The following SLCO6A1 variants were observed in gnomAD, a reference collection of about 807,000 sequenced individuals.
SLCO6A1 encodes cancer/testis antigen 48.
Under a neutral mutation model 72.7 loss-of-function variants are expected in SLCO6A1, and 65 were observed. That is an observed-to-expected ratio of 0.89 (90% CI 0.73 to 1.10). The LOEUF (loss-of-function observed/expected upper bound fraction) is 1.10, where lower values mean the gene tolerates loss of function less well. Among genes scored for constraint, SLCO6A1 ranks in the 50% least tolerant of loss-of-function variants. The pLI is 0.00. For synonymous variants in SLCO6A1, 314 were observed against 298.2 expected, an observed-to-expected ratio of 1.05 and a Z score of -0.55; for missense variants, 874 against 872.6, an observed-to-expected ratio of 1.00 and a Z score of -0.02.
At position 102,431,793 on chromosome 5, in the gene SLCO6A1, T is replaced by C. The variant is rs181367791; in HGVS notation, c.1276+6824A>G. ...TTCAGGTCCTGAACATCTTTGTTAA[T>C]TTTCTGCCTTGACAACCTTTCTAAC... On this transcript the variant is annotated intron_variant, in intron 7 of 13. Coordinates refer to ENST00000506729, the MANE Select transcript of SLCO6A1 (RefSeq NM_173488.5). 1.5e-3 allele frequency among the ~76,000 whole-genome samples: 223 copies of C among 152,302 alleles called. 1 individual carries two copies. The highest frequency in any genetic ancestry group is 5.1e-3 in the African/African-American group (213 of 41,578).
intron 4 of SLCO6A1, among the ~76,000 whole-genome samples, chr5:102,465,117 G>C (rs1751245030): frequency 6.6e-6 from 1 of 152,068 alleles, no homozygotes; most frequent in Admixed American, 6.6e-5. Context: ...CTAAAACACT[G>C]TTGTAGAAGA....
intron 7 of SLCO6A1, among the ~76,000 whole-genome samples, chr5:102,431,884 T>C (rs1273214242): frequency 6.6e-6 from 1 of 152,208 alleles, no homozygotes; most frequent in Non-Finnish European, 1.5e-5. Context: ...TTTGAAGGTC[T>C]CTAAGAATTT....
intron 7 of SLCO6A1, among the ~76,000 whole-genome samples, chr5:102,438,128 T>A (rs1387259687): frequency 6.6e-6 from 1 of 152,046 alleles, no homozygotes; most frequent in Admixed American, 6.6e-5. Flanking sequence ...ATCCATTAAT[T>A]GGATAATACA....
chr5:102,477,900 C>G, intron 2 of SLCO6A1, 39 bp from the exon 3 acceptor site: 3 of 1,530,888 alleles, frequency 2.0e-6, no homozygotes, highest in Non-Finnish European at 1.8e-6. Context: ...GTTAATTGAA[C>G]TCAAACATAA....
At chr5:102,378,143 A>T (rs1561410523) in intron 12 of SLCO6A1, among the ~76,000 whole-genome samples, 1 of 151,970 alleles carries the variant, frequency 6.6e-6, no homozygotes, top group African/African-American at 2.4e-5. Flanking sequence ...GTGATTTGCA[A>T]AGTAATTTTC....
chr5:102,421,503 T>C (rs1228929508), intron 7 of SLCO6A1, among the ~76,000 whole-genome samples: 1 of 152,076 alleles, frequency 6.6e-6, no homozygotes, highest in Non-Finnish European at 1.5e-5. Context: ...ACAAAGCCGA[T>C]GGGAAGTTTG....
At chr5:102,400,642 A>C (rs1346685550) in intron 9 of SLCO6A1, among the ~76,000 whole-genome samples, 1 of 152,108 alleles carries the variant, frequency 6.6e-6, no homozygotes, top group Non-Finnish European at 1.5e-5. Flanking sequence ...AAAAATAAGA[A>C]GAAAAGAACA....
intron 9 of SLCO6A1, among the ~76,000 whole-genome samples, chr5:102,400,528 T>C (rs1275514572): frequency 6.6e-6 from 1 of 152,066 alleles, no homozygotes; most frequent in East Asian, 1.9e-4. Flanking sequence ...GTGGATAATT[T>C]AAGGCAGATG....
At chr5:102,377,931 T>C (rs1745896728) in intron 12 of SLCO6A1, among the ~76,000 whole-genome samples, 1 of 151,432 alleles carries the variant, frequency 6.6e-6, no homozygotes, top group African/African-American at 2.4e-5. Flanking sequence ...AACAAAATAG[T>C]TTGGCAATTT....
chr5:102,434,631 C>T (rs918490259), intron 7 of SLCO6A1, among the ~76,000 whole-genome samples: 1 of 152,140 alleles, frequency 6.6e-6, no homozygotes, highest in Non-Finnish European at 1.5e-5. Context: ...GATCTGAGCA[C>T]TCTTGGCAAC....
At chr5:102,395,762 G>A (rs1747038155) in intron 10 of SLCO6A1, among the ~76,000 whole-genome samples, 2 of 152,044 alleles carry the variant, frequency 1.3e-5, no homozygotes, top group Admixed American at 1.3e-4. Flanking sequence ...ATCTCACTGT[G>A]GTTTTGATTT....
intron 9 of SLCO6A1, among the ~76,000 whole-genome samples, chr5:102,412,287 T>C (rs374511943): frequency 2.0e-5 from 3 of 152,182 alleles, no homozygotes; most frequent in African/African-American, 4.8e-5. Flanking sequence ...TGTGACCACC[T>C]TGAGCACACG....
At chr5:102,430,303 C>T (rs1354132438) in intron 7 of SLCO6A1, among the ~76,000 whole-genome samples, 1 of 152,050 alleles carries the variant, frequency 6.6e-6, no homozygotes, top group Non-Finnish European at 1.5e-5. Context: ...ATTTCTTTCT[C>T]TTGTCTGATT....
intron 5 of SLCO6A1, 112 bp from the exon 6 acceptor site, chr5:102,458,603 G>A: frequency 1.5e-6 from 1 of 660,932 alleles, no homozygotes; most frequent in Non-Finnish European, 2.6e-6. Flanking sequence ...TGGCAAATGA[G>A]TTATTTTTGA....
At chr5:102,389,452 A>ACCCC (rs1203152155) in intron 11 of SLCO6A1, among the ~76,000 whole-genome samples, 1 of 58,054 alleles carries the variant, frequency 1.7e-5, no homozygotes, top group Non-Finnish European at 3.3e-5. Flanking sequence ...CCCGCCCCCC[A>ACCCC]CCCCCACACA....
At chr5:102,374,813 T>C (rs1471743062) in intron 12 of SLCO6A1, among the ~76,000 whole-genome samples, 1 of 152,124 alleles carries the variant, frequency 6.6e-6, no homozygotes, top group Non-Finnish European at 1.5e-5. Context: ...AATTGAGCAA[T>C]TTTGAACAAC....
At chr5:102,388,553 C>T in intron 12 of SLCO6A1, 135 bp downstream of exon 12, 1 of 579,790 alleles carries the variant, frequency 1.7e-6, no homozygotes, top group Non-Finnish European at 2.8e-6. Context: ...CTCTATTTTG[C>T]AGGTTAAGCC....
At chr5:102,458,287 G>T in intron 6 of SLCO6A1, 95 bp downstream of exon 6, 1 of 886,360 alleles carries the variant, frequency 1.1e-6, no homozygotes. Flanking sequence ...CCCAGATTTA[G>T]GTTGAACCCT....
intron 7 of SLCO6A1, among the ~76,000 whole-genome samples, chr5:102,424,737 T>C (rs556970282): frequency 2.6e-5 from 4 of 152,104 alleles, no homozygotes; most frequent in African/African-American, 4.8e-5. Flanking sequence ...TTCCAAACAA[T>C]AGAAAAAGAG....
Sources: allele counts gnomAD v4.1 joint callset (sites outside exome capture counted in the v4.1 genomes callset), GRCh38; gene constraint gnomAD v4.1.1; transcripts MANE v1.5; gene names NCBI Gene and HGNC (gene_info 2026-07-23, HGNC 2026-07-21).